VPS9D1: variants seen among roughly 807,000 people sequenced by gnomAD.
VPS9D1 encodes the protein VPS9 domain containing 1.
VPS9D1 carries 78 observed loss-of-function variants against 75.8 expected under a neutral mutation model. That is an observed-to-expected ratio of 1.03 (90% CI 0.86 to 1.24). The LOEUF (loss-of-function observed/expected upper bound fraction) is 1.24, where lower values mean the gene tolerates loss of function less well. Among genes scored for constraint, VPS9D1 ranks in the 50% most tolerant of loss-of-function variants. The pLI, the probability that VPS9D1 is intolerant of heterozygous loss-of-function variation, is 0.00. For missense variants in VPS9D1, 1,057 were observed against 847.7 expected, an observed-to-expected ratio of 1.25 and a Z score of -3.07; for synonymous variants, 481 against 385.6, an observed-to-expected ratio of 1.25 and a Z score of -2.90.
rs1258037282 is a variant in VPS9D1, at chr16:89,712,525, G to GT, written c.544-4_544-3insA. ...ATCTGCCGCTGTAGAGAGAGGGTCTGGGGGGGGAGGAGGGAGTAAGGCCGA... is the reference window on the plus strand; with the variant it reads ...ATCTGCCGCTGTAGAGAGAGGGTCTGTGGGGGGGAGGAGGGAGTAAGGCCGA... On this transcript the variant is annotated splice_polypyrimidine_tract_variant and splice_region_variant and intron_variant, in intron 5 of 14. Coordinates refer to ENST00000389386, the MANE Select transcript of VPS9D1 (RefSeq NM_004913.3). The GT allele has an allele frequency of 6.3e-7, 1 of 1,599,016 alleles. No individual in the cohort carries two copies. The highest frequency in any genetic ancestry group is 8.5e-7 in the Non-Finnish European group (1 of 1,177,762).
chr16:89,718,226 C>T (rs2061136867), intron 2 of VPS9D1: 1 of 384,402 alleles, frequency 2.6e-6, no homozygotes, highest in South Asian at 1.9e-5. Context: ...TGCTCTGTTC[C>T]ACCTTCAGGA....
In VPS9D1 at chr16:89,711,820, GCT is replaced by G. The variant is rs2060934725; in HGVS notation, c.747+60_747+61del. 11 of 1,520,114 alleles carry G rather than the reference GCT, an allele frequency of 7.2e-6. No homozygotes were observed. In the Admixed American group the frequency reaches 1.2e-4, roughly 17 times the overall value. 94.2% of individuals were successfully genotyped at this position (1,520,114 alleles called of 1,614,324 possible). On this transcript the variant is annotated intron_variant, in intron 8 of 14. Coordinates refer to ENST00000389386, the MANE Select transcript of VPS9D1 (RefSeq NM_004913.3). ...CCCCCCACGGGGGCCCACCCAGGCG[GCT>G]CTGACCCCGCCCCCCTCGCTGGGCT...
At chr16:89,711,685 G>A in intron 8 of VPS9D1, 197 bp downstream of exon 8, 1 of 717,460 alleles carries the variant, frequency 1.4e-6, no homozygotes, top group South Asian at 1.9e-5. Context: ...CCCTGACCTC[G>A]CCTCCTCGCT....
At chr16:89,709,712 G>T in intron 11 of VPS9D1, 65 bp downstream of exon 11, 1 of 1,608,634 alleles carries the variant, frequency 6.2e-7, no homozygotes, top group East Asian at 2.2e-5. Context: ...AGCAGGGCAG[G>T]CCTCCTGGGG....
intron 4 of VPS9D1, among the ~76,000 whole-genome samples, chr16:89,713,301 C>T (rs2060982636): frequency 6.6e-6 from 1 of 151,638 alleles, no homozygotes; most frequent in South Asian, 2.1e-4. Context: ...GTCGCCCAGG[C>T]TGGAGCGCAG....
At chr16:89,710,552 T>C in intron 10 of VPS9D1, 34 bp downstream of exon 10, 1 of 1,556,946 alleles carries the variant, frequency 6.4e-7, no homozygotes, top group Non-Finnish European at 8.7e-7. Context: ...GGTGAAGAGC[T>C]GCGGCGGCTC....
At chr16:89,718,935 G>T in intron 2 of VPS9D1, 92 bp downstream of exon 2, 2 of 1,100,362 alleles carry the variant, frequency 1.8e-6, no homozygotes, top group South Asian at 1.3e-5. Context: ...GGATGGTTTC[G>T]ATCTCCTGAC....
rs1475674343 is a variant in VPS9D1 at position 89,709,855 on chromosome 16, G to A, written c.1310C>T (p.Ala437Val). 6 of 1,613,576 alleles carry A rather than the reference G, an allele frequency of 3.7e-6. No homozygotes were observed. The highest frequency in any genetic ancestry group is 2.2e-5 in the East Asian group (1 of 44,890). ...GCAGGCCAGGCAGCGGTCCTTGGAGGCAGCTGTGTTTAGGCCTTCGAAGGC... is the reference window on the plus strand; with the variant it reads ...GCAGGCCAGGCAGCGGTCCTTGGAGACAGCTGTGTTTAGGCCTTCGAAGGC... Reference protein sequence around the residue: ...LLAFEGLNTAASKDRCLACIE... With the variant: ...LLAFEGLNTAVSKDRCLACIE... The change falls in exon 11 of 15, where the codon GCC (alanine) becomes GTC (valine). Residue 437 changes from alanine to valine, a missense_variant. Coordinates refer to ENST00000389386, the MANE Select transcript of VPS9D1 (RefSeq NM_004913.3).
chr16:89,720,436 C>T (rs1421636351), intron 1 of VPS9D1: 3 of 1,048,124 alleles, frequency 2.9e-6, no homozygotes, highest in Admixed American at 5.6e-5. Context: ...TGCACGAACG[C>T]ACGGACCTGC....
rs932318054 is a variant in VPS9D1 at position 89,710,787 on chromosome 16, G to T, written c.1057C>A (p.Pro353Thr). Residue 353 changes from proline to threonine, a missense_variant, in exon 10 of 15, where the codon CCC (proline) becomes ACC (threonine). Physicochemically the swap from Pro to Thr is conservative, Grantham distance 38. Transcript: ENST00000389386. ...CCCACGGGGCCGGGTTGGAGTGGGG[G>T]CGTGGGGGGACTGTCCTGGGGCCGC... ...APRPQDSPPT[P>T]PLQPGPVGSP... 5.0e-5 allele frequency: 77 copies of T among 1,551,586 alleles called. No individual in the cohort carries two copies. In the East Asian group the frequency reaches 1.8e-3, roughly 37 times the overall value.
intron 2 of VPS9D1, among the ~76,000 whole-genome samples, chr16:89,718,708 C>T (rs911666854): frequency 6.7e-6 from 1 of 149,796 alleles, no homozygotes; most frequent in Non-Finnish European, 1.5e-5. Context: ...ATGCCTTTTT[C>T]TTTTTCTTTT....
rs189324426 is a variant in VPS9D1 at position 89,718,007 on chromosome 16, C to A, written c.175+1020G>T. ...TCCAGTGGCTCCCCCGACCTCTGTG[C>A]TCCCACGTCCAGTGGGTCCCCCTGA... is the stretch of plus-strand genomic sequence containing the variant. On this transcript the variant is annotated intron_variant, in intron 2 of 14. Coordinates refer to ENST00000389386, the MANE Select transcript of VPS9D1 (RefSeq NM_004913.3). The A allele has an allele frequency of 9.8e-4, 437 of 446,198 alleles. 15 individuals carry two copies. Among genetic ancestry groups the A allele is most frequent in the Non-Finnish European group, 1.5e-3 (329 of 221,668 alleles). 27.6% of individuals were successfully genotyped at this position (446,198 alleles called of 1,614,324 possible).
chr16:89,711,096 A>G, intron 9 of VPS9D1, 86 bp from the exon 10 acceptor site: 1 of 1,354,560 alleles, frequency 7.4e-7, no homozygotes. Context: ...GGTTTCAGAG[A>G]AGCGACTTGC....
chr16:89,719,917 C>A (rs1488974707), intron 1 of VPS9D1, among the ~76,000 whole-genome samples: 1 of 152,196 alleles, frequency 6.6e-6, no homozygotes, highest in African/African-American at 2.4e-5. Flanking sequence ...CGGGGTTTCA[C>A]CACGTTGGCC....
chr16:89,713,962 A>G (rs2061002538), intron 4 of VPS9D1, among the ~76,000 whole-genome samples: 1 of 151,986 alleles, frequency 6.6e-6, no homozygotes, highest in Non-Finnish European at 1.5e-5. Flanking sequence ...TTTTTGAGTC[A>G]GTCTCATTCT....
intron 12 of VPS9D1, 99 bp downstream of exon 12, chr16:89,709,128 C>G (rs905986436): frequency 1.3e-6 from 2 of 1,549,318 alleles, no homozygotes; most frequent in Non-Finnish European, 8.8e-7. Context: ...ACCTCCCCAC[C>G]GGCACGTGAC....
intron 2 of VPS9D1, 45 bp from the exon 3 acceptor site, chr16:89,716,867 GT>G (rs747650064): frequency 6.6e-7 from 1 of 1,513,274 alleles, no homozygotes; most frequent in South Asian, 1.2e-5. Context: ...CTCTACCACT[GT>G]TACTTACTGC....
At position 89,711,929 on chromosome 16, in the gene VPS9D1, C is replaced by T; in HGVS notation, c.700G>A (p.Glu234Lys). 1 of 1,551,652 alleles carries T rather than the reference C, an allele frequency of 6.4e-7. No individual in the cohort carries two copies. Among genetic ancestry groups the T allele is most frequent in the South Asian group, 1.2e-5 (1 of 84,146 alleles). The change falls in exon 8 of 15, where the codon GAG becomes AAG. Residue 234 changes from glutamate to lysine, a missense_variant. By Grantham distance (56) the Glu-to-Lys change is moderately conservative (BLOSUM62 1). Coordinates refer to ENST00000389386, the MANE Select transcript of VPS9D1 (RefSeq NM_004913.3). The stretch of plus-strand genomic sequence containing the variant: ...ATGGCGGCGTAAAGGGCCCGCTGCT[C>T]CCGTTCCTCCGGGGTCAGGGCGACT... ...SQVALTPEEREQRALYAAILE... is the reference protein window; with the variant it reads ...SQVALTPEERKQRALYAAILE...
Position 89,712,447 on chromosome 16 carries a change from T to G in VPS9D1, c.606+13A>C. 6.2e-7 allele frequency: 1 copy of G among 1,612,594 alleles called. No individual in the cohort carries two copies. Among genetic ancestry groups the G allele is most frequent in the Non-Finnish European group, 8.5e-7 (1 of 1,179,938 alleles). On this transcript the variant is annotated intron_variant, in intron 6 of 14. Transcript: ENST00000389386. ...TTCCCCTCGGGGACCACCAGGGCGG[T>G]CAGAAAGGCTGCTGTCTCCTCCCGG...
Sources: allele counts gnomAD v4.1 joint callset (sites outside exome capture counted in the v4.1 genomes callset), GRCh38; gene constraint gnomAD v4.1.1; transcripts MANE v1.5; gene names NCBI Gene and HGNC (gene_info 2026-07-23, HGNC 2026-07-21).